The following PDGFRB variants were observed in gnomAD, a reference collection of about 807,000 sequenced individuals.
PDGFRB encodes platelet-derived growth factor receptor beta.
Under a neutral mutation model 120.2 loss-of-function variants are expected in PDGFRB, and 42 were observed. That is an observed-to-expected ratio of 0.35 (90% confidence interval 0.27 to 0.45). The LOEUF (loss-of-function observed/expected upper bound fraction) is 0.45, where lower values mean the gene tolerates loss of function less well. Among genes scored for constraint, PDGFRB ranks in the 20% least tolerant of loss-of-function variants. The pLI is 1.00. For synonymous variants in PDGFRB, 586 were observed against 606.8 expected, an observed-to-expected ratio of 0.97 and a Z score of 0.50; for missense variants, 1,149 against 1,476.3, an observed-to-expected ratio of 0.78 and a Z score of 3.63.
At chr5:150,140,000 A>C (rs1760736958) in intron 1 of PDGFRB, among the ~76,000 whole-genome samples, 1 of 150,586 alleles carries the variant, frequency 6.6e-6, no homozygotes, top group Non-Finnish European at 1.5e-5. Context: ...AAAAAGTTAG[A>C]CAACAGTGTT....
Position 150,120,813 on chromosome 5 carries a change from A to C in PDGFRB, c.2586+75T>G. ...CAGATTTCCTATGAGCTGCAGCCAC[A>C]CTGGTCAGGAGGGAATCTGTTCCTG... is the stretch of plus-strand genomic sequence containing the variant. On this transcript the variant is annotated intron_variant, in intron 18 of 22. Coordinates refer to ENST00000261799, the MANE Select transcript of PDGFRB (RefSeq NM_002609.4). The surrounding 1 kb of genome is among the most constrained non-coding windows in gnomAD (Gnocchi z 4.3). 1 of 1,416,364 alleles carries C rather than the reference A, an allele frequency of 7.1e-7. No individual in the cohort carries two copies. Among genetic ancestry groups the C allele is most frequent in the South Asian group, 1.2e-5 (1 of 84,698 alleles). The allele number at this position is 1,416,364 out of a possible 1,614,324, so 87.7% of individuals were successfully genotyped here.
chr5:150,155,009 G>GT (rs1319311074), intron 1 of PDGFRB, among the ~76,000 whole-genome samples: 1 of 152,146 alleles, frequency 6.6e-6, no homozygotes, highest in Non-Finnish European at 1.5e-5. Flanking sequence ...TGGTCCTGAG[G>GT]TCCCCAGTCC....
At chr5:150,135,068 C>T (rs1023858148) in intron 3 of PDGFRB, 52 bp from the exon 4 acceptor site, 34 of 945,212 alleles carry the variant, frequency 3.6e-5, no homozygotes, top group Non-Finnish European at 5.3e-5. Context: ...TTCTGGCCAT[C>T]CCCTGAATTG....
At position 150,135,963 on chromosome 5, in the gene PDGFRB, C is replaced by T. The variant is rs1053020924; in HGVS notation, c.41-85G>A. 6 of 869,610 alleles carry T rather than the reference C, an allele frequency of 6.9e-6. No individual in the cohort carries two copies. In the African/African-American group the frequency reaches 8.6e-5, roughly 12 times the overall value. 53.9% of individuals were successfully genotyped at this position (869,610 alleles called of 1,614,324 possible). The stretch of plus-strand genomic sequence containing the variant: ...TGAGCCTGCGAGGAGGCCACGTATG[C>T]ACAGCCCTCAGGTCCTTGAGGAGCA... On this transcript the variant is annotated intron_variant, in intron 2 of 22. Coordinates refer to ENST00000261799, the MANE Select transcript of PDGFRB (RefSeq NM_002609.4).
At chr5:150,134,507 C>T (rs1311572835) in intron 4 of PDGFRB, among the ~76,000 whole-genome samples, 10 of 152,342 alleles carry the variant, frequency 6.6e-5, no homozygotes, top group Non-Finnish European at 7.4e-5. Flanking sequence ...GTGCCCTCAC[C>T]GACCATGTTG....
In PDGFRB at chr5:150,147,794, C is replaced by T. The variant is rs142327585; in HGVS notation, c.-7+7603G>A. On this transcript the variant is annotated intron_variant, in intron 1 of 22. Coordinates refer to ENST00000261799, the MANE Select transcript of PDGFRB (RefSeq NM_002609.4). ...GTTTTCTCATCTGTAGATTGGGGCT[C>T]ATCACTGGGTTGTCAGGGCTATTGA... Among the ~76,000 whole-genome samples the T allele has an allele frequency of 1.3e-3, 195 of 152,300 alleles. 1 individual carries two copies. The highest frequency in any genetic ancestry group is 4.2e-3 in the African/African-American group (176 of 41,554).
chr5:150,128,890 G>A (rs1236170627), intron 10 of PDGFRB, among the ~76,000 whole-genome samples: 1 of 152,182 alleles, frequency 6.6e-6, no homozygotes, highest in Non-Finnish European at 1.5e-5. Flanking sequence ...ACTTCAATGA[G>A]AAGTTGGGTC....
intron 1 of PDGFRB, among the ~76,000 whole-genome samples, chr5:150,142,870 A>G (rs1410952175): frequency 6.6e-6 from 1 of 152,192 alleles, no homozygotes; most frequent in African/African-American, 2.4e-5. Context: ...ATCTTACTGT[A>G]TCGTTCACTC....
In PDGFRB at chr5:150,117,765, C is replaced by A. The variant is rs761069531; in HGVS notation, c.2990G>T (p.Gly997Val). 1 of 1,613,556 alleles carries A rather than the reference C, an allele frequency of 6.2e-7. No homozygotes were observed. The highest frequency in any genetic ancestry group is 1.3e-5 in the African/African-American group (1 of 74,814). Reference sequence around the variant, plus strand: ...GCTGGTGTCCAGGGGAGATCGGAGGCCATGGAACCCAGGCAAGCGGGCCTG... The same window carrying A: ...GCTGGTGTCCAGGGGAGATCGGAGGACATGGAACCCAGGCAAGCGGGCCTG... ...RSQARLPGFH[G>V]LRSPLDTSSV... is the part of the protein sequence containing the mutation. The change falls in exon 22 of 23, where the codon GGC (glycine) becomes GTC (valine). Residue 997 changes from glycine to valine, a missense_variant. Gly to Val is a moderately radical substitution (Grantham distance 109). This residue lies in a region of PDGFRB where 202 missense variants were observed against 214.3 expected (regional missense o/e 0.94). Coordinates refer to ENST00000261799, the MANE Select transcript of PDGFRB (RefSeq NM_002609.4).
At position 150,132,843 on chromosome 5, in the gene PDGFRB, G is replaced by T. The variant is rs201250234; in HGVS notation, c.1034C>A (p.Pro345Gln). The T allele has an allele frequency of 1.2e-6, 2 of 1,610,010 alleles. No individual in the cohort carries two copies. The highest frequency in any genetic ancestry group is 1.7e-6 in the Non-Finnish European group (2 of 1,178,474). Reference protein sequence around the residue: ...TLQVVFEAYPPPTVLWFKDNR... With the variant: ...TLQVVFEAYPQPTVLWFKDNR... ...GTCTTTGAACCACAGGACAGTGGGC[G>T]GTGGGTAGGCCTCGAACACTACCTG... The change falls in exon 7 of 23, where the codon CCG becomes CAG. Residue 345 changes from proline (P) to glutamine (Q), a missense_variant. Physicochemically the swap from Pro to Gln is moderately conservative, Grantham distance 76. Transcript: ENST00000261799. The surrounding 1 kb of genome is among the most constrained non-coding windows in gnomAD (Gnocchi z 5.0).
chr5:150,117,527 A>AGCGCGCGCGCGT (rs1554107221), intron 22 of PDGFRB, 91 bp downstream of exon 22: 1 of 526,798 alleles, frequency 1.9e-6, no homozygotes, highest in African/African-American at 2.1e-5. Flanking sequence ...CAAACCTGGC[A>AGCGCGCGCGCGT]GCGCGCGCGC....
At position 150,116,060 on chromosome 5, in the gene PDGFRB, C is replaced by T. The variant is rs546771826; in HGVS notation, c.3138-114G>A. The T allele has an allele frequency of 1.0e-4, 88 of 850,396 alleles. 1 individual carries two copies. Among genetic ancestry groups the T allele is most frequent in the South Asian group, 8.2e-4 (41 of 49,798 alleles). 52.7% of individuals were successfully genotyped at this position (850,396 alleles called of 1,614,324 possible). A position where few individuals can be genotyped will look rare whatever the true frequency, so the allele number is the denominator to read the frequency against. ...CCTGCACCGTAGGCTTCACACACTCCGGCTCATTTAACTCTTGTGAAAACT... is the reference window on the plus strand; with the variant it reads ...CCTGCACCGTAGGCTTCACACACTCTGGCTCATTTAACTCTTGTGAAAACT... On this transcript the variant is annotated intron_variant, in intron 22 of 22. Transcript: ENST00000261799.
At chr5:150,124,149 C>T in intron 14 of PDGFRB, 101 bp downstream of exon 14, 2 of 742,306 alleles carry the variant, frequency 2.7e-6, no homozygotes, top group Non-Finnish European at 4.5e-6. Flanking sequence ...GACCCTCCAG[C>T]AGGAGTGTGC....
Position 150,134,881 on chromosome 5 carries a change from A to G in PDGFRB, c.500T>C (p.Val167Ala). Reference sequence around the variant, plus strand: ...GTGATCATAGGGGACAGGCAGTGCAACGTCCCCTTTCTTCTCGTGCAGTGT... The same window carrying G: ...GTGATCATAGGGGACAGGCAGTGCAGCGTCCCCTTTCTTCTCGTGCAGTGT... ...VVTLHEKKGD[V>A]ALPVPYDHQR... is the part of the protein sequence containing the mutation. Residue 167 changes from valine (V) to alanine (A), a missense_variant, in exon 4 of 23, where the codon GTT becomes GCT. Val to Ala is a moderately conservative substitution (Grantham distance 64). This residue lies in a region of PDGFRB where 879 missense variants were observed against 1,108.6 expected (regional missense o/e 0.79). Coordinates refer to ENST00000261799, the MANE Select transcript of PDGFRB (RefSeq NM_002609.4). 2 of 1,614,016 alleles carry G rather than the reference A, an allele frequency of 1.2e-6. No homozygotes were observed. The highest frequency in any genetic ancestry group is 1.7e-6 in the Non-Finnish European group (2 of 1,179,854).
chr5:150,118,177 GT>G (rs1381545475), intron 21 of PDGFRB, among the ~76,000 whole-genome samples: 1 of 152,184 alleles, frequency 6.6e-6, no homozygotes, highest in African/African-American at 2.4e-5. Context: ...TTCCTTTGCT[GT>G]GAAGTGGTGA....
chr5:150,115,672 G>T lies in PDGFRB; in HGVS notation c.*91C>A. 3 of 1,263,262 alleles carry T rather than the reference G, an allele frequency of 2.4e-6. No homozygotes were observed. Among genetic ancestry groups the T allele is most frequent in the Non-Finnish European group, 3.2e-6 (3 of 930,190 alleles). The allele number at this position is 1,263,262 out of a possible 1,614,324, so 78.3% of individuals were successfully genotyped here. A position where few individuals can be genotyped will look rare whatever the true frequency, so the allele number is the denominator to read the frequency against. ...AGGGGACAGCTGATAAGGGCAGCCT[G>T]GCTGACAGGAAGCCCGGTCAGGCCA... is the stretch of plus-strand genomic sequence containing the variant. On this transcript the variant is annotated 3_prime_UTR_variant, in exon 23 of 23. Transcript: ENST00000261799.
rs1561991113 is a variant in PDGFRB at position 150,121,888 on chromosome 5, A to C, written c.2336T>G (p.Val779Gly). ...TCACTATGTCCACCCACCAGAGGGA[A>C]CGTAGTTATCGTAAGGGGCCATGTA... ...SNYMAPYDNY[V>G]PSAPERTCRA... The change falls in exon 16 of 23, where the codon GTT becomes GGT. Residue 779 changes from valine to glycine, a missense_variant. By Grantham distance (109) the Val-to-Gly change is moderately radical (BLOSUM62 -3). Coordinates refer to ENST00000261799, the MANE Select transcript of PDGFRB (RefSeq NM_002609.4). This position sits in a 1 kb window ranked among gnomAD's most constrained non-coding sequence, Gnocchi z 4.1. 6.2e-7 allele frequency: 1 copy of C among 1,611,622 alleles called. No homozygotes were observed. The highest frequency in any genetic ancestry group is 2.2e-5 in the East Asian group (1 of 44,870).
In PDGFRB at chr5:150,129,924, T is replaced by C; in HGVS notation, c.1412A>G (p.Glu471Gly). 6.2e-7 allele frequency: 1 copy of C among 1,614,114 alleles called. No homozygotes were observed. The highest frequency in any genetic ancestry group is 1.1e-5 in the South Asian group (1 of 91,084). Residue 471 changes from glutamate (E) to glycine (G), a missense_variant, in exon 10 of 23, where the codon GAA becomes GGA. Coordinates refer to ENST00000261799, the MANE Select transcript of PDGFRB (RefSeq NM_002609.4). ...GTTAGTCTCCAGCTGGCTCTCCTCT[T>C]CGGAACTGTTCCCCAGCAGCGTGGG... ...LPPTLLGNSS[E>G]EESQLETNVT...
At chr5:150,140,337 G>T (rs1760747904) in intron 1 of PDGFRB, among the ~76,000 whole-genome samples, 1 of 152,128 alleles carries the variant, frequency 6.6e-6, no homozygotes, top group Non-Finnish European at 1.5e-5. Flanking sequence ...GGCCACCTAG[G>T]ACAAGCTGGA....
Sources: gnomAD v4.1 joint callset for allele counts (sites outside exome capture counted in the v4.1 genomes callset) on GRCh38, gnomAD v4.1.1 for gene constraint, gnomAD v4.1.1 regional missense constraint, Gnocchi (gnomAD v3.1) non-coding constraint, MANE v1.5 for transcripts, NCBI Gene and HGNC (gene_info 2026-07-23, HGNC 2026-07-21) for gene names.